The following PROSER1 variants were observed in gnomAD, a reference collection of about 807,000 sequenced individuals.
The protein encoded by PROSER1 is proline and serine-rich protein 1.
In PROSER1, 36 loss-of-function variants were observed where a neutral mutation model predicts 71.8. The observed-to-expected ratio is 0.50, with a 90% CI of 0.38 to 0.66. The LOEUF is 0.66. PROSER1 is among the 30% of genes least tolerant of loss of function. The pLI, the probability that PROSER1 is intolerant of heterozygous loss-of-function variation, is 0.00. For missense variants in PROSER1, 1,107 were observed against 1,135.0 expected (o/e 0.98, Z 0.35); for synonymous variants, 490 against 452.4 (o/e 1.08, Z -1.06).
At chr13:39,037,168 T>A in intron 1 of PROSER1, 30 bp downstream of exon 1, 1 of 1,512,208 alleles carries the variant, frequency 6.6e-7, no homozygotes, top group South Asian at 1.1e-5. Flanking sequence ...ATTCATCTCA[T>A]AAAATAATTC....
Position 39,012,884 on chromosome 13 carries a change from C to T in PROSER1, c.2368G>A (p.Gly790Ser). The T allele has an allele frequency of 1.2e-6, 2 of 1,614,098 alleles. No individual in the cohort carries two copies. Among genetic ancestry groups the T allele is most frequent in the Non-Finnish European group, 1.7e-6 (2 of 1,180,022 alleles). Reference sequence around the variant, plus strand: ...CTTGGGGTATTAGAGACAGAAAAGCCTGGATAGGAGGGATTTGAAGATGAC... The same window carrying T: ...CTTGGGGTATTAGAGACAGAAAAGCTTGGATAGGAGGGATTTGAAGATGAC... ...PLSSSNPSYPGFSVSNTPSVT... is the reference protein window; with the variant it reads ...PLSSSNPSYPSFSVSNTPSVT... The change falls in exon 11 of 13, where the codon GGC becomes AGC. Residue 790 changes from glycine (G) to serine (S), a missense_variant. Gly to Ser is a moderately conservative substitution (Grantham distance 56). Transcript: ENST00000352251.
chr13:39,033,786 C>G (rs922330926), intron 2 of PROSER1, among the ~76,000 whole-genome samples: 1 of 152,052 alleles, frequency 6.6e-6, no homozygotes, highest in African/African-American at 2.4e-5. Flanking sequence ...TATTACATGA[C>G]GAATTTTGTA....
chr13:39,034,892 C>T lies in PROSER1; in HGVS notation c.46-696G>A, dbSNP rs540480960. On this transcript the variant is annotated intron_variant, in intron 1 of 12. Transcript: ENST00000352251. ...AGTAAGTGATGGTTCCTTTCCTTTTCGGAATCTATCAGTGGGTGAGAGAGA... is the reference window on the plus strand; with the variant it reads ...AGTAAGTGATGGTTCCTTTCCTTTTTGGAATCTATCAGTGGGTGAGAGAGA... 2.6e-5 allele frequency among the ~76,000 whole-genome samples: 4 copies of T among 152,242 alleles called. No individual in the cohort carries two copies. The South Asian group carries it at 8.3e-4, about 32-fold the overall frequency.
intron 5 of PROSER1, among the ~76,000 whole-genome samples, chr13:39,026,800 G>A (rs1247209717): frequency 6.6e-6 from 1 of 152,270 alleles, no homozygotes; most frequent in African/African-American, 2.4e-5. Flanking sequence ...TTACAACCCA[G>A]TGGAGGACAT....
chr13:39,016,180 C>T (rs1870000472), intron 10 of PROSER1, among the ~76,000 whole-genome samples: 1 of 152,146 alleles, frequency 6.6e-6, no homozygotes, highest in Non-Finnish European at 1.5e-5. Flanking sequence ...AAATCCCAAC[C>T]ACATACCATA....
rs73169461 is a variant in PROSER1 at position 39,011,454 on chromosome 13, C to A, written c.2746G>T (p.Ala916Ser). ...HSASALESYPAQPDGFPSYPS... is the reference protein window; with the variant it reads ...HSASALESYPSQPDGFPSYPS... The stretch of plus-strand genomic sequence containing the variant: ...TAACTAGGAAACCCATCAGGCTGAG[C>A]TGGATAGCTTTCCAGAGCCGAAGCT... Residue 916 changes from alanine to serine, a missense_variant, in exon 13 of 13, where the codon GCT becomes TCT. Ala to Ser is a moderately conservative substitution (Grantham distance 99). Coordinates refer to ENST00000352251, the MANE Select transcript of PROSER1 (RefSeq NM_025138.5). 9.3e-3 allele frequency: 14,995 copies of A among 1,614,032 alleles called. 103 individuals are homozygous for A. Among genetic ancestry groups the A allele is most frequent in the Non-Finnish European group, 0.011 (12,651 of 1,179,960 alleles).
intron 4 of PROSER1, chr13:39,028,909 T>C (rs77596007): frequency 6.3e-6 from 1 of 159,766 alleles, no homozygotes; most frequent in Admixed American, 6.5e-5. Flanking sequence ...ATGAGCCTTA[T>C]TTTTACAATT....
In PROSER1 at chr13:39,031,550, A is replaced by G. The variant is rs780629351; in HGVS notation, c.180+13T>C. 38 of 1,579,656 alleles carry G rather than the reference A, an allele frequency of 2.4e-5. No homozygotes were observed. In the South Asian group the frequency reaches 3.1e-4, roughly 13 times the overall value. ...TAAATTCTACGTTCTGAAGGAAAAA[A>G]TAAGTTACTTACATGCTGTAATGCT... is the stretch of plus-strand genomic sequence containing the variant. On this transcript the variant is annotated intron_variant, in intron 3 of 12. Coordinates refer to ENST00000352251, the MANE Select transcript of PROSER1 (RefSeq NM_025138.5).
intron 3 of PROSER1, among the ~76,000 whole-genome samples, chr13:39,029,597 C>G (rs1320683068): frequency 6.6e-6 from 1 of 152,076 alleles, no homozygotes; most frequent in Non-Finnish European, 1.5e-5. Context: ...GATCTAAGTT[C>G]TCCTACATGC....
At chr13:39,012,005 A>G in intron 12 of PROSER1, 78 bp downstream of exon 12, 1 of 1,406,214 alleles carries the variant, frequency 7.1e-7, no homozygotes, top group African/African-American at 1.4e-5. Context: ...GGATATCGCA[A>G]ATGATACTGC....
intron 2 of PROSER1, 141 bp downstream of exon 2, chr13:39,033,990 T>C (rs1372623403): frequency 1.8e-6 from 1 of 566,004 alleles, no homozygotes; most frequent in East Asian, 3.2e-5. Flanking sequence ...TAGAGTTTTC[T>C]GCCAAAACTG....
At chr13:39,033,426 C>T (rs1870952973) in intron 2 of PROSER1, among the ~76,000 whole-genome samples, 1 of 152,184 alleles carries the variant, frequency 6.6e-6, no homozygotes, top group Non-Finnish European at 1.5e-5. Context: ...TTTACTAACT[C>T]AATTGGAGCA....
intron 3 of PROSER1, 54 bp from the exon 4 acceptor site, chr13:39,029,429 T>A: frequency 9.8e-7 from 1 of 1,017,242 alleles, no homozygotes; most frequent in Non-Finnish European, 1.4e-6. Context: ...ATGCCAGAAA[T>A]TACCTTTTTC....
At position 39,023,041 on chromosome 13, in the gene PROSER1, G is replaced by C. The variant is rs1461536555; in HGVS notation, c.643+11C>G. The C allele has an allele frequency of 1.3e-6, 2 of 1,597,634 alleles. No individual in the cohort carries two copies. The highest frequency in any genetic ancestry group is 1.3e-5 in the African/African-American group (1 of 74,350). ...AAAGAAAAACAAGTAAAAAATAAGG[G>C]AACTCCTTACTTGGTGCAATAGTTG... On this transcript the variant is annotated intron_variant, in intron 8 of 12. Transcript: ENST00000352251.
chr13:39,034,313 G>T, intron 1 of PROSER1, 117 bp from the exon 2 acceptor site: 1 of 678,452 alleles, frequency 1.5e-6, no homozygotes, highest in Non-Finnish European at 2.3e-6. Flanking sequence ...GTCTACTTCA[G>T]CCCTGTCATT....
At chr13:39,012,529 C>T in intron 11 of PROSER1, 162 bp downstream of exon 11, 2 of 663,810 alleles carry the variant, frequency 3.0e-6, no homozygotes, top group Non-Finnish European at 5.1e-6. Context: ...ATATTTTATA[C>T]ATTTATCTTA....
intron 5 of PROSER1, 25 bp from the exon 6 acceptor site, chr13:39,026,412 T>A: frequency 6.7e-7 from 1 of 1,493,912 alleles, no homozygotes; most frequent in Non-Finnish European, 9.2e-7. Flanking sequence ...AGAAGAGGGG[T>A]AGGAAAAAAA....
chr13:39,036,408 G>A (rs1346546913), intron 1 of PROSER1, among the ~76,000 whole-genome samples: 1 of 152,156 alleles, frequency 6.6e-6, no homozygotes, highest in African/African-American at 2.4e-5. Context: ...GTCAAGGGTC[G>A]TAAAGGTATG....
chr13:39,016,545 A>G (rs1593529126), intron 10 of PROSER1, among the ~76,000 whole-genome samples: 1 of 152,244 alleles, frequency 6.6e-6, no homozygotes, highest in Non-Finnish European at 1.5e-5. Flanking sequence ...ACAATATGCT[A>G]TTCCTGCCAA....
Sources: allele counts gnomAD v4.1 joint callset (sites outside exome capture counted in the v4.1 genomes callset), GRCh38; gene constraint gnomAD v4.1.1; transcripts MANE v1.5; gene names NCBI Gene and HGNC (gene_info 2026-07-23, HGNC 2026-07-21).